The following NALF1 variants were observed in gnomAD, a reference collection of about 807,000 sequenced individuals.
NALF1 encodes the protein NALCN channel auxiliary factor 1.
In NALF1, 3 loss-of-function variants were observed where a neutral mutation model predicts 48.4. The ratio of observed to expected loss-of-function variants is 0.06; its 90% CI spans 0.03 to 0.16. NALF1 has a LOEUF of 0.16. Among genes scored for constraint, NALF1 ranks in the 10% least tolerant of loss-of-function variants. NALF1 has a pLI of 1.00. For missense variants in NALF1, 526 were observed against 571.5 expected (o/e 0.92, Z 0.81); for synonymous variants, 262 against 245.7 (o/e 1.07, Z -0.62).
At chr13:107,708,294 A>G (rs759971521) in intron 1 of NALF1, among the ~76,000 whole-genome samples, 4 of 152,276 alleles carry the variant, frequency 2.6e-5, no homozygotes, top group Admixed American at 6.5e-5. Flanking sequence ...TTTTTCAGCC[A>G]TAATTATACT....
intron 1 of NALF1, among the ~76,000 whole-genome samples, chr13:107,537,747 G>A: frequency 6.6e-6 from 1 of 152,128 alleles, no homozygotes. Flanking sequence ...GATGGGCATG[G>A]TGGCTCATGC....
chr13:107,300,576 T>C (rs1338013934), intron 1 of NALF1, among the ~76,000 whole-genome samples: 1 of 152,184 alleles, frequency 6.6e-6, no homozygotes, highest in African/African-American at 2.4e-5. Flanking sequence ...CCACACTTAG[T>C]TGGTTGTAAT....
At chr13:107,191,431 C>A (rs1038060368) in intron 2 of NALF1, among the ~76,000 whole-genome samples, 2 of 152,050 alleles carry the variant, frequency 1.3e-5, no homozygotes, top group African/African-American at 4.8e-5. Context: ...TATTTCCTGT[C>A]TTGATGCAGA....
rs1375963742 is a variant in NALF1 at position 107,476,758 on chromosome 13, TG to T, written c.916-266004del. On this transcript the variant is annotated intron_variant, in intron 1 of 2. Coordinates refer to ENST00000375915, the MANE Select transcript of NALF1 (RefSeq NM_001080396.3). The stretch of plus-strand genomic sequence containing the variant: ...TATAGATTTATATGGGAATCCTTAA[TG>T]GACTCACCTAGTAGAAATTCTCTGG... 3.9e-5 allele frequency among the ~76,000 whole-genome samples: 6 copies of T among 152,082 alleles called. No individual in the cohort carries two copies. The East Asian group carries it at 9.6e-4, about 24-fold the overall frequency.
chr13:107,599,923 T>C (rs1187173442), intron 1 of NALF1, among the ~76,000 whole-genome samples: 1 of 152,178 alleles, frequency 6.6e-6, no homozygotes, highest in East Asian at 1.9e-4. Flanking sequence ...GAGTCATATT[T>C]AAATAATTTT....
At chr13:107,594,991 A>C (rs1285593311) in intron 1 of NALF1, among the ~76,000 whole-genome samples, 1 of 152,100 alleles carries the variant, frequency 6.6e-6, no homozygotes, top group Non-Finnish European at 1.5e-5. Context: ...ATCTTTTATG[A>C]TTATATAATT....
At chr13:107,222,538 T>G (rs1880016032) in intron 1 of NALF1, among the ~76,000 whole-genome samples, 1 of 152,210 alleles carries the variant, frequency 6.6e-6, no homozygotes, top group African/African-American at 2.4e-5. Context: ...TTTAACAGAT[T>G]ATCTTGTGCA....
intron 1 of NALF1, among the ~76,000 whole-genome samples, chr13:107,537,892 C>G (rs771902943): frequency 1.1e-4 from 16 of 152,058 alleles, no homozygotes; most frequent in Non-Finnish European, 1.5e-5. Flanking sequence ...GTGGCACATA[C>G]CTGTAATCCC....
At chr13:107,614,969 G>T (rs1260279511) in intron 1 of NALF1, among the ~76,000 whole-genome samples, 1 of 151,680 alleles carries the variant, frequency 6.6e-6, no homozygotes, top group Non-Finnish European at 1.5e-5. Context: ...TAGAGAAGAG[G>T]TTTCACCATG....
At chr13:107,328,889 G>A (rs1882416080) in intron 1 of NALF1, among the ~76,000 whole-genome samples, 1 of 152,140 alleles carries the variant, frequency 6.6e-6, no homozygotes. Flanking sequence ...ACCAGAAAGG[G>A]TTTCAGGAAA....
At chr13:107,363,378 G>A (rs75174938) in intron 1 of NALF1, among the ~76,000 whole-genome samples, 18,111 of 152,104 alleles carry the variant, frequency 0.12, 1,642 homozygotes, top group African/African-American at 0.26. Context: ...AGGATCACTC[G>A]AGCCTAGGAG....
chr13:107,693,396 C>A (rs1350795931), intron 1 of NALF1, among the ~76,000 whole-genome samples: 1 of 151,890 alleles, frequency 6.6e-6, no homozygotes, highest in Admixed American at 6.6e-5. Flanking sequence ...GGGTGCAGCA[C>A]ACCAACATGG....
intron 2 of NALF1, among the ~76,000 whole-genome samples, chr13:107,186,604 G>A (rs1023624727): frequency 6.6e-6 from 1 of 152,128 alleles, no homozygotes; most frequent in Non-Finnish European, 1.5e-5. Context: ...CTGACCTTGT[G>A]ATCTGCCCAC....
chr13:107,190,023 CCTT>C (rs1166070157), intron 2 of NALF1, among the ~76,000 whole-genome samples: 1 of 152,024 alleles, frequency 6.6e-6, no homozygotes, highest in Non-Finnish European at 1.5e-5. Flanking sequence ...ATTATGTTCT[CCTT>C]ATATTTATTT....
chr13:107,283,544 T>C (rs1310909358), intron 1 of NALF1, among the ~76,000 whole-genome samples: 4 of 152,148 alleles, frequency 2.6e-5, no homozygotes, highest in Admixed American at 1.3e-4. Context: ...TGGGGGCAGT[T>C]TTGAAGATGG....
intron 1 of NALF1, among the ~76,000 whole-genome samples, chr13:107,237,150 G>T (rs1330611983): frequency 6.7e-6 from 1 of 150,060 alleles, no homozygotes; most frequent in Non-Finnish European, 1.5e-5. Context: ...GACAAAATAC[G>T]TAATTTATAT....
chr13:107,351,683 C>T (rs1247513907), intron 1 of NALF1, among the ~76,000 whole-genome samples: 2 of 152,190 alleles, frequency 1.3e-5, no homozygotes, highest in African/African-American at 2.4e-5. Context: ...TGGTGGCGTG[C>T]CATTCTATCC....
chr13:107,711,805 G>A lies in NALF1; in HGVS notation c.915+153877C>T, dbSNP rs182660159. Among the ~76,000 whole-genome samples, 266 of 152,264 alleles carry A rather than the reference G, an allele frequency of 1.7e-3. 1 individual carries two copies. The highest frequency in any genetic ancestry group is 3.4e-3 in the Middle Eastern group (1 of 292). On this transcript the variant is annotated intron_variant, in intron 1 of 2. Transcript: ENST00000375915. ...TCTAAAAACTACTACTTCTAGAAACGGAGATAGTCTAAGAATGTATGTTTT... is the reference window on the plus strand; with the variant it reads ...TCTAAAAACTACTACTTCTAGAAACAGAGATAGTCTAAGAATGTATGTTTT...
chr13:107,170,215 CAAAT>C lies in NALF1; in HGVS notation c.*278_*281del, dbSNP rs749878251. 19 of 316,498 alleles carry C rather than the reference CAAAT, an allele frequency of 6.0e-5. No individual in the cohort carries two copies. The highest frequency in any genetic ancestry group is 8.7e-5 in the Non-Finnish European group (15 of 171,440). The allele number at this position is 316,498 out of a possible 1,614,324, so 19.6% of individuals were successfully genotyped here. A position where few individuals can be genotyped will look rare whatever the true frequency, so the allele number is the denominator to read the frequency against. Reference sequence around the variant, plus strand: ...TTAACAAGTGCAAAAAATAAACAAACAAATAAACCCAAACCAAAACGAAAGCAAA... The same window carrying C: ...TTAACAAGTGCAAAAAATAAACAAACAAACCCAAACCAAAACGAAAGCAAA... On this transcript the variant is annotated 3_prime_UTR_variant, in exon 3 of 3. Transcript: ENST00000375915.
Sources: allele counts gnomAD v4.1 joint callset (sites outside exome capture counted in the v4.1 genomes callset), GRCh38; gene constraint gnomAD v4.1.1; transcripts MANE v1.5; gene names NCBI Gene and HGNC (gene_info 2026-07-23, HGNC 2026-07-21).